The following PADI3 variants were observed in gnomAD, a reference collection of about 807,000 sequenced individuals.
The protein encoded by PADI3 is peptidyl arginine deiminase 3, also known as protein-arginine deiminase type-3.
PADI3 carries 53 observed loss-of-function variants against 71.5 expected under a neutral mutation model. The ratio of observed to expected loss-of-function variants is 0.74; its 90% CI spans 0.59 to 0.93. The LOEUF is 0.93. Among genes scored for constraint, PADI3 ranks in the 40% least tolerant of loss-of-function variants. The pLI is 0.00. For synonymous variants in PADI3, 361 were observed against 347.5 expected (o/e 1.04, Z -0.43); for missense variants, 821 against 868.0 (o/e 0.95, Z 0.68).
At chr1:17,256,693 C>A (rs116723882) in intron 1 of PADI3, among the ~76,000 whole-genome samples, 226 of 152,288 alleles carry the variant, frequency 1.5e-3, no homozygotes, top group African/African-American at 5.4e-3. Flanking sequence ...TGCCCATGGA[C>A]ACTGGAGGCC....
At chr1:17,278,593 G>T (rs1394276910) in intron 13 of PADI3, among the ~76,000 whole-genome samples, 1 of 151,928 alleles carries the variant, frequency 6.6e-6, no homozygotes, top group African/African-American at 2.4e-5. Context: ...AGAGAGAGCT[G>T]GCTGGACTGG....
chr1:17,259,802 C>A (rs1431749426), intron 2 of PADI3, 44 bp downstream of exon 2: 3 of 1,530,700 alleles, frequency 2.0e-6, no homozygotes, highest in Non-Finnish European at 2.7e-6. Flanking sequence ...TCGAGGGAGG[C>A]AGCTGTCTAG....
In PADI3 at chr1:17,270,953, T is replaced by C; in HGVS notation, c.906T>C (p.Thr302=). The change falls in exon 8 of 16, where the codon ACT becomes ACC. Residue 302 remains threonine (T), a synonymous_variant. Coordinates refer to ENST00000375460, the MANE Select transcript of PADI3 (RefSeq NM_016233.2). ...RVAPWIMTPS[T]LPPLEVYVCR... ...CACCCTGGATCATGACGCCCAGCAC[T>C]CTGCCACCCCTAGAGGTGTATGTGT... is the stretch of plus-strand genomic sequence containing the variant. 6.2e-7 allele frequency: 1 copy of C among 1,614,044 alleles called. No homozygotes were observed. The highest frequency in any genetic ancestry group is 8.5e-7 in the Non-Finnish European group (1 of 1,179,960).
intron 3 of PADI3, among the ~76,000 whole-genome samples, chr1:17,263,695 T>C (rs1472873596): frequency 6.6e-6 from 1 of 152,076 alleles, no homozygotes; most frequent in Non-Finnish European, 1.5e-5. Flanking sequence ...AAGTAAAAAG[T>C]CAAACTGTGA....
chr1:17,254,620 C>A (rs1369137678), intron 1 of PADI3, among the ~76,000 whole-genome samples: 1 of 152,078 alleles, frequency 6.6e-6, no homozygotes, highest in Non-Finnish European at 1.5e-5. Context: ...CTCACCAATG[C>A]CCCGTCTTCC....
intron 3 of PADI3, among the ~76,000 whole-genome samples, chr1:17,263,543 G>A (rs1270925505): frequency 6.6e-6 from 1 of 152,038 alleles, no homozygotes; most frequent in Non-Finnish European, 1.5e-5. Flanking sequence ...AAATTGTAAA[G>A]CTTTTAGAAA....
At chr1:17,259,068 A>G (rs568169280) in intron 1 of PADI3, among the ~76,000 whole-genome samples, 1 of 152,246 alleles carries the variant, frequency 6.6e-6, no homozygotes, top group East Asian at 1.9e-4. Context: ...GACTGTGTGT[A>G]TGTTTTTTTG....
At position 17,252,471 on chromosome 1, in the gene PADI3, T is replaced by C. The variant is rs543171067; in HGVS notation, c.92+3242T>C. 1.2e-3 allele frequency among the ~76,000 whole-genome samples: 176 copies of C among 151,698 alleles called. 1 individual carries two copies. The highest frequency in any genetic ancestry group is 4.0e-3 in the African/African-American group (166 of 41,326). On this transcript the variant is annotated intron_variant, in intron 1 of 15. Coordinates refer to ENST00000375460, the MANE Select transcript of PADI3 (RefSeq NM_016233.2). ...AGGCTGGAATACAGTGGTGCAATCT[T>C]GGCTTACTGCAGCCTGGACCTCCCC...
intron 1 of PADI3, among the ~76,000 whole-genome samples, chr1:17,250,307 ACTGTAG>A (rs2072950066): frequency 1.3e-5 from 2 of 152,126 alleles, no homozygotes; most frequent in Non-Finnish European, 2.9e-5. Flanking sequence ...CACCCTGTGC[ACTGTAG>A]GATGGAGAGC....
At chr1:17,264,485 CCTT>C (rs2073140934) in intron 3 of PADI3, among the ~76,000 whole-genome samples, 1 of 152,166 alleles carries the variant, frequency 6.6e-6, no homozygotes, top group Non-Finnish European at 1.5e-5. Flanking sequence ...ATAACTCCCT[CCTT>C]CTCCTACAGG....
Position 17,273,387 on chromosome 1 carries a change from G to T in PADI3, c.1095G>T (p.Pro365=), listed in dbSNP as rs141356370. ...TTCAGGCGCCGCACAAGACCCTCCCGGTGGTCTTTGACTCCCCAAGGAATG... is the reference window on the plus strand; with the variant it reads ...TTCAGGCGCCGCACAAGACCCTCCCTGTGGTCTTTGACTCCCCAAGGAATG... ...GYVQAPHKTL[P]VVFDSPRNGE... The change falls in exon 10 of 16, where the codon CCG becomes CCT. Residue 365 remains proline, a synonymous_variant. Transcript: ENST00000375460. The T allele has an allele frequency of 6.2e-7, 1 of 1,613,790 alleles. No individual in the cohort carries two copies. Among genetic ancestry groups the T allele is most frequent in the African/African-American group, 1.3e-5 (1 of 74,980 alleles).
At chr1:17,254,771 G>A (rs982706743) in intron 1 of PADI3, among the ~76,000 whole-genome samples, 9 of 148,514 alleles carry the variant, frequency 6.1e-5, no homozygotes, top group African/African-American at 2.2e-4. Context: ...AGGCTGGAGT[G>A]CAATGGGGCT....
At chr1:17,254,036 C>T (rs763670977) in intron 1 of PADI3, among the ~76,000 whole-genome samples, 1 of 152,122 alleles carries the variant, frequency 6.6e-6, no homozygotes, top group Non-Finnish European at 1.5e-5. Flanking sequence ...AGAGCTGGGC[C>T]CTTGGGGGGA....
At position 17,282,990 on chromosome 1, in the gene PADI3, C is replaced by T; in HGVS notation, c.1906C>T (p.Pro636Ser). 6.2e-7 allele frequency: 1 copy of T among 1,614,224 alleles called. No individual in the cohort carries two copies. Among genetic ancestry groups the T allele is most frequent in the East Asian group, 2.2e-5 (1 of 44,876 alleles). ...LHCTFIDDFT[P>S]YHMLHGEVHC... ...CTGCACCTTCATTGATGACTTCACT[C>T]CATACCACATGCTGCATGGGGAGGT... is the stretch of plus-strand genomic sequence containing the variant. The change falls in exon 16 of 16, where the codon CCA becomes TCA. Residue 636 changes from proline to serine, a missense_variant. By Grantham distance (74) the Pro-to-Ser change is moderately conservative. Transcript: ENST00000375460.
At chr1:17,250,527 TGA>T (rs2072953335) in intron 1 of PADI3, among the ~76,000 whole-genome samples, 1 of 151,834 alleles carries the variant, frequency 6.6e-6, no homozygotes, top group South Asian at 2.1e-4. Context: ...GGGCATTGGA[TGA>T]GAGGGGGTGA....
rs2073074296 is a variant in PADI3, at chr1:17,259,571, T to C, written c.93-7T>C. 6.3e-7 allele frequency: 1 copy of C among 1,585,322 alleles called. No individual in the cohort carries two copies. The highest frequency in any genetic ancestry group is 8.6e-7 in the Non-Finnish European group (1 of 1,163,194). On this transcript the variant is annotated splice_polypyrimidine_tract_variant and splice_region_variant and intron_variant, in intron 1 of 15. Coordinates refer to ENST00000375460, the MANE Select transcript of PADI3 (RefSeq NM_016233.2). ...CGGCACCGACCATGGCTCTCTGCCC[T>C]GCCCAGGTCAGTGCCTGAGGGCACA... is the stretch of plus-strand genomic sequence containing the variant.
intron 11 of PADI3, among the ~76,000 whole-genome samples, chr1:17,276,173 A>T (rs1000738284): frequency 1.3e-5 from 2 of 152,064 alleles, no homozygotes; most frequent in South Asian, 2.1e-4. Context: ...CATCTCTAGT[A>T]AAAATACAGA....
intron 9 of PADI3, among the ~76,000 whole-genome samples, chr1:17,272,654 A>G (rs3003432): frequency 0.4 from 60,185 of 151,688 alleles, 12,117 homozygotes; most frequent in South Asian, 0.44. Flanking sequence ...CCACAGGTGC[A>G]GCCACCAGGC....
At position 17,271,299 on chromosome 1, in the gene PADI3, G is replaced by A. The variant is rs777567027; in HGVS notation, c.1047+121G>A. 29 of 782,446 alleles carry A rather than the reference G, an allele frequency of 3.7e-5. No individual in the cohort carries two copies. In the East Asian group the frequency reaches 4.3e-4, roughly 12 times the overall value. The allele number at this position is 782,446 out of a possible 1,614,324, so 48.5% of individuals were successfully genotyped here. A position where few individuals can be genotyped will look rare whatever the true frequency, so the allele number is the denominator to read the frequency against. On this transcript the variant is annotated intron_variant, in intron 9 of 15. Coordinates refer to ENST00000375460, the MANE Select transcript of PADI3 (RefSeq NM_016233.2). ...GGTGCTCCCCAGGGAACTTGCTGCC[G>A]TTTCTAATGTGAGACCTAGAGGCTT...
Sources: gnomAD v4.1 joint callset for allele counts (sites outside exome capture counted in the v4.1 genomes callset) on GRCh38, gnomAD v4.1.1 for gene constraint, MANE v1.5 for transcripts, NCBI Gene and HGNC (gene_info 2026-07-23, HGNC 2026-07-21) for gene names.